WWP2: variants seen among roughly 807,000 people sequenced by gnomAD.
The protein encoded by WWP2 is WW domain containing E3 ubiquitin protein ligase 2.
A neutral mutation model predicts 121.0 loss-of-function variants in WWP2; 57 were observed. The ratio of observed to expected loss-of-function variants is 0.47; its 90% CI spans 0.38 to 0.59. The LOEUF (loss-of-function observed/expected upper bound fraction) is 0.59, where lower values mean the gene tolerates loss of function less well. WWP2 is among the 20% of genes least tolerant of loss of function. The pLI is 0.00. For missense variants in WWP2, 962 were observed against 1,158.9 expected (o/e 0.83, Z 2.47); for synonymous variants, 449 against 441.3 (o/e 1.02, Z -0.22).
At chr16:69,778,889 C>T (rs2055599522) in intron 1 of WWP2, among the ~76,000 whole-genome samples, 1 of 151,600 alleles carries the variant, frequency 6.6e-6, no homozygotes, top group South Asian at 2.1e-4. Context: ...GATCCGCATG[C>T]CTGAGCCTCC....
intron 2 of WWP2, among the ~76,000 whole-genome samples, chr16:69,790,451 G>A (rs746611292): frequency 5.9e-5 from 9 of 152,264 alleles, no homozygotes; most frequent in Non-Finnish European, 8.8e-5. Flanking sequence ...AGGAGGAGGA[G>A]GAAGAGGAAG....
intron 7 of WWP2, among the ~76,000 whole-genome samples, chr16:69,883,730 C>T (rs1168726564): frequency 6.6e-6 from 1 of 152,048 alleles, no homozygotes; most frequent in African/African-American, 2.4e-5. Context: ...CTCCCCGCAC[C>T]CCACCCTGCA....
chr16:69,863,657 A>G (rs954847552), intron 6 of WWP2, among the ~76,000 whole-genome samples: 5 of 152,066 alleles, frequency 3.3e-5, no homozygotes, highest in African/African-American at 1.2e-4. Context: ...AAACAAAGAA[A>G]CAAACAAACA....
Position 69,940,121 on chromosome 16 carries a change from C to A in WWP2, c.*181C>A. 3.3e-6 allele frequency: 2 copies of A among 599,742 alleles called. No homozygotes were observed. Among genetic ancestry groups the A allele is most frequent in the African/African-American group, 1.9e-5 (1 of 53,946 alleles). 37.2% of individuals were successfully genotyped at this position (599,742 alleles called of 1,614,324 possible). A position where few individuals can be genotyped will look rare whatever the true frequency, so the allele number is the denominator to read the frequency against. ...CCAGGAGGCCCTGCAGTTCCCCCGACCCGCGGATGGCAGTCTGGAATAAAG... is the reference window on the plus strand; with the variant it reads ...CCAGGAGGCCCTGCAGTTCCCCCGAACCGCGGATGGCAGTCTGGAATAAAG... On this transcript the variant is annotated 3_prime_UTR_variant, in exon 24 of 24. Coordinates refer to ENST00000359154, the MANE Select transcript of WWP2 (RefSeq NM_001270454.2).
At chr16:69,869,373 G>A (rs1405616005) in intron 6 of WWP2, among the ~76,000 whole-genome samples, 1 of 151,554 alleles carries the variant, frequency 6.6e-6, no homozygotes, top group African/African-American at 2.4e-5. Flanking sequence ...TTGGGGATTG[G>A]GGGCAAGAAA....
chr16:69,827,801 TGAG>T, intron 4 of WWP2: 5 of 440,216 alleles, frequency 1.1e-5, no homozygotes, highest in South Asian at 8.1e-5. Flanking sequence ...CCCTCGGAGA[TGAG>T]GAGCACTAAT....
At chr16:69,789,225 C>CT (rs773344802) in intron 2 of WWP2, among the ~76,000 whole-genome samples, 14 of 151,478 alleles carry the variant, frequency 9.2e-5, no homozygotes, top group Admixed American at 3.3e-4. Flanking sequence ...GCCTGGCTAA[C>CT]TTTTTTGTTT....
At chr16:69,915,253 G>A (rs2058462466) in intron 9 of WWP2, among the ~76,000 whole-genome samples, 1 of 152,364 alleles carries the variant, frequency 6.6e-6, no homozygotes, top group South Asian at 2.1e-4. Flanking sequence ...TGTACTTATA[G>A]TATTCTACAT....
chr16:69,876,277 C>G lies in WWP2; in HGVS notation c.703+4346C>G, dbSNP rs370483971. On this transcript the variant is annotated intron_variant, in intron 7 of 23. Coordinates refer to ENST00000359154, the MANE Select transcript of WWP2 (RefSeq NM_001270454.2). Reference sequence around the variant, plus strand: ...GGTTTTTAATGGGTTTTGGCCACATCCATCAGAGGAATCATGATCTAAGGC... The same window carrying G: ...GGTTTTTAATGGGTTTTGGCCACATGCATCAGAGGAATCATGATCTAAGGC... Among the ~76,000 whole-genome samples, 15 of 151,490 alleles carry G rather than the reference C, an allele frequency of 9.9e-5. 2 individuals carry two copies. The highest frequency in any genetic ancestry group is 3.9e-4 in the East Asian group (2 of 5,128).
At chr16:69,818,673 A>G (rs1253917213) in intron 4 of WWP2, among the ~76,000 whole-genome samples, 1 of 152,006 alleles carries the variant, frequency 6.6e-6, no homozygotes, top group East Asian at 1.9e-4. Flanking sequence ...TTCCTGCTTG[A>G]CATATGTTCT....
intron 10 of WWP2, among the ~76,000 whole-genome samples, chr16:69,923,826 C>T (rs1296415536): frequency 1.3e-5 from 2 of 152,080 alleles, no homozygotes; most frequent in African/African-American, 4.8e-5. Context: ...CCTCTGTTGC[C>T]GAATGTTTTT....
intron 6 of WWP2, among the ~76,000 whole-genome samples, chr16:69,844,431 C>T (rs1377655835): frequency 6.6e-6 from 1 of 152,174 alleles, no homozygotes; most frequent in Non-Finnish European, 1.5e-5. Context: ...ACATCTTAGT[C>T]TTTTAGCTGA....
At chr16:69,819,850 A>C (rs2056561093) in intron 4 of WWP2, among the ~76,000 whole-genome samples, 1 of 152,162 alleles carries the variant, frequency 6.6e-6, no homozygotes, top group Admixed American at 6.6e-5. Context: ...CTTTGTGCCC[A>C]TTTATAGTGA....
chr16:69,821,922 C>T (rs1256560182), intron 4 of WWP2, among the ~76,000 whole-genome samples: 3 of 151,820 alleles, frequency 2.0e-5, no homozygotes, highest in South Asian at 2.1e-4. Context: ...CCCTGGCTAG[C>T]GTGCAGTGCC....
Position 69,842,132 on chromosome 16 carries a change from C to A in WWP2, c.575+12C>A. On this transcript the variant is annotated intron_variant, in intron 6 of 23. Coordinates refer to ENST00000359154, the MANE Select transcript of WWP2 (RefSeq NM_001270454.2). The stretch of plus-strand genomic sequence containing the variant: ...GGTGGAAGATCCCGGTAAGACCCCC[C>A]TTGGTGAGGACAAAGAGCTAAGAAG... The A allele has an allele frequency of 6.2e-7, 1 of 1,610,180 alleles. No individual in the cohort carries two copies. The highest frequency in any genetic ancestry group is 2.2e-5 in the East Asian group (1 of 44,820).
chr16:69,931,292 C>T (rs2058707845), intron 14 of WWP2, 65 bp downstream of exon 14: 12 of 1,584,532 alleles, frequency 7.6e-6, no homozygotes, highest in East Asian at 4.5e-5. Context: ...TGTGAGTTCC[C>T]GGCACAGCAG....
intron 7 of WWP2, among the ~76,000 whole-genome samples, chr16:69,875,625 G>A (rs904551909): frequency 2.6e-5 from 4 of 152,236 alleles, no homozygotes; most frequent in African/African-American, 9.6e-5. Flanking sequence ...AGTGTTCACA[G>A]CATTTTCACT....
chr16:69,909,284 C>T lies in WWP2; in HGVS notation c.1004+434C>T, dbSNP rs535371645. 1.9e-5 allele frequency: 19 copies of T among 989,754 alleles called. No individual in the cohort carries two copies. The African/African-American group carries it at 3.1e-4, about 16-fold the overall frequency. The allele number at this position is 989,754 out of a possible 1,614,324, so 61.3% of individuals were successfully genotyped here. ...TCTGCCAGGGACAGAAAGTTCTTTC[C>T]ACATGTGTCTCCTGGTCCCGAGAGC... On this transcript the variant is annotated intron_variant, in intron 9 of 23. Coordinates refer to ENST00000359154, the MANE Select transcript of WWP2 (RefSeq NM_001270454.2).
intron 8 of WWP2, chr16:69,890,713 C>CGT (rs1207219803): frequency 6.6e-6 from 1 of 151,966 alleles, no homozygotes; most frequent in African/African-American, 2.4e-5. Context: ...TTATGTAGGG[C>CGT]GTGTGTGAGG....
Sources: allele counts gnomAD v4.1 joint callset (sites outside exome capture counted in the v4.1 genomes callset), GRCh38; gene constraint gnomAD v4.1.1; transcripts MANE v1.5; gene names NCBI Gene and HGNC (gene_info 2026-07-23, HGNC 2026-07-21).